The following UNC5D variants were observed in gnomAD, a reference collection of about 807,000 sequenced individuals.
The protein encoded by UNC5D is unc-5 netrin receptor D.
A neutral mutation model predicts 105.4 loss-of-function variants in UNC5D; 39 were observed. The ratio of observed to expected loss-of-function variants is 0.37; its 90% CI spans 0.29 to 0.48. The LOEUF (loss-of-function observed/expected upper bound fraction) is 0.48. Among genes scored for constraint, UNC5D ranks in the 20% least tolerant of loss-of-function variants. The pLI, the probability that UNC5D is intolerant of heterozygous loss-of-function variation, is 0.98. For missense variants in UNC5D, 991 were observed against 1,202.4 expected (o/e 0.82, Z 2.60); for synonymous variants, 452 against 450.4 (o/e 1.00, Z -0.04).
At chr8:35,376,761 G>A (rs1200884591) in intron 1 of UNC5D, among the ~76,000 whole-genome samples, 1 of 152,098 alleles carries the variant, frequency 6.6e-6, no homozygotes, top group African/African-American at 2.4e-5. Context: ...GCAACATGCA[G>A]TTGCTGTCCA....
chr8:35,398,534 A>G (rs1339782991), intron 1 of UNC5D, among the ~76,000 whole-genome samples: 1 of 152,134 alleles, frequency 6.6e-6, no homozygotes, highest in African/African-American at 2.4e-5. Flanking sequence ...AGACATTAAA[A>G]AAAAAAAAGT....
At position 35,750,767 on chromosome 8, in the gene UNC5D, C is replaced by T. The variant is rs775837539; in HGVS notation, c.2121C>T (p.Asn707=). Residue 707 remains asparagine, a synonymous_variant, in exon 13 of 17, where the codon AAC becomes AAT. Coordinates refer to ENST00000404895, the MANE Select transcript of UNC5D (RefSeq NM_080872.4). ...GCMSCNSLDY[N]LRVYCVDNTP... ...TGTCCTGTAACTCCCTGGATTACAA[C>T]TTGAGAGTTTACTGTGTGGACAATA... 1 of 1,614,142 alleles carries T rather than the reference C, an allele frequency of 6.2e-7. No homozygotes were observed. Among genetic ancestry groups the T allele is most frequent in the East Asian group, 2.2e-5 (1 of 44,850 alleles).
At chr8:35,403,535 T>C (rs976351300) in intron 1 of UNC5D, among the ~76,000 whole-genome samples, 1 of 152,226 alleles carries the variant, frequency 6.6e-6, no homozygotes, top group Non-Finnish European at 1.5e-5. Context: ...AGAAGTATTT[T>C]GGATTTCTTT....
intron 1 of UNC5D, among the ~76,000 whole-genome samples, chr8:35,395,411 G>A (rs1411047458): frequency 1.3e-5 from 2 of 152,182 alleles, no homozygotes; most frequent in Admixed American, 1.3e-4. Context: ...AACACCATTT[G>A]AGCAACATTT....
chr8:35,457,829 A>G (rs1410264168), intron 1 of UNC5D, among the ~76,000 whole-genome samples: 1 of 152,154 alleles, frequency 6.6e-6, no homozygotes, highest in East Asian at 1.9e-4. Flanking sequence ...GGTTATCCCA[A>G]TGTCCACACA....
At chr8:35,547,305 T>A (rs75754241) in intron 1 of UNC5D, among the ~76,000 whole-genome samples, 13 of 147,082 alleles carry the variant, frequency 8.8e-5, no homozygotes, top group Non-Finnish European at 1.5e-4. Flanking sequence ...TTTTTTTTTT[T>A]AATTGAGACA....
At chr8:35,396,342 G>A (rs777275562) in intron 1 of UNC5D, among the ~76,000 whole-genome samples, 36 of 152,156 alleles carry the variant, frequency 2.4e-4, no homozygotes, top group African/African-American at 5.5e-4. Context: ...GGGCTGAGTC[G>A]GGGAAAGCAG....
intron 1 of UNC5D, among the ~76,000 whole-genome samples, chr8:35,257,626 T>C (rs1166499360): frequency 1.3e-5 from 2 of 152,228 alleles, no homozygotes; most frequent in Non-Finnish European, 2.9e-5. Context: ...TAATAGTTGG[T>C]GGTATGAATT....
chr8:35,731,379 C>CAACAGTG (rs1829182476), intron 11 of UNC5D, among the ~76,000 whole-genome samples: 1 of 107,482 alleles, frequency 9.3e-6, no homozygotes, highest in Non-Finnish European at 1.7e-5. Flanking sequence ...TCAGTCTGGG[C>CAACAGTG]AACAGTGAGA....
chr8:35,311,513 G>T (rs2950897), intron 1 of UNC5D, among the ~76,000 whole-genome samples: 54,853 of 151,914 alleles, frequency 0.36, 10,922 homozygotes, highest in Middle Eastern at 0.45. Flanking sequence ...TAGGTCTTTT[G>T]TGAGGGCTAA....
chr8:35,710,952 T>TGTTTTGTTTTGTTTTGTTTTG (rs1827905759), intron 8 of UNC5D, among the ~76,000 whole-genome samples: 2,056 of 134,296 alleles, frequency 0.015, 109 homozygotes, highest in Admixed American at 0.044. Flanking sequence ...TTTTTTTTTT[T>TGTTTTGTTTTGTTTTGTTTTG]TTTTGAGACG....
chr8:35,463,941 T>C (rs1250807057), intron 1 of UNC5D, among the ~76,000 whole-genome samples: 1 of 152,158 alleles, frequency 6.6e-6, no homozygotes, highest in African/African-American at 2.4e-5. Context: ...CGGTAGAAAA[T>C]GTGCAATAAA....
intron 7 of UNC5D, among the ~76,000 whole-genome samples, chr8:35,701,451 CTCTAG>C (rs1325860594): frequency 2.6e-5 from 4 of 152,100 alleles, no homozygotes; most frequent in Non-Finnish European, 5.9e-5. Flanking sequence ...CACGTTTGTT[CTCTAG>C]TAGAGGCTGG....
Position 35,737,154 on chromosome 8 carries a change from C to G in UNC5D, c.1766+6058C>G, listed in dbSNP as rs537894738. Among the ~76,000 whole-genome samples the G allele has an allele frequency of 9.5e-4, 144 of 152,154 alleles. 3 individuals carry two copies. The South Asian group carries it at 0.028, about 30-fold the overall frequency. On this transcript the variant is annotated intron_variant, in intron 11 of 16. Coordinates refer to ENST00000404895, the MANE Select transcript of UNC5D (RefSeq NM_080872.4). ...ACTCTACTTTTGAGTGCCCTCGTCT[C>G]TAGATTTTAATGTTTCTAAATCCAT... is the stretch of plus-strand genomic sequence containing the variant.
intron 11 of UNC5D, among the ~76,000 whole-genome samples, chr8:35,745,997 A>T (rs746834190): frequency 6.6e-6 from 1 of 151,104 alleles, no homozygotes; most frequent in African/African-American, 2.4e-5. Flanking sequence ...TTTTGTCCAC[A>T]TCCAATTAAA....
intron 9 of UNC5D, among the ~76,000 whole-genome samples, chr8:35,725,844 T>C (rs1318739000): frequency 2.0e-5 from 3 of 152,204 alleles, no homozygotes; most frequent in Non-Finnish European, 4.4e-5. Context: ...ACATAAACAA[T>C]AATACCTGAG....
intron 1 of UNC5D, among the ~76,000 whole-genome samples, chr8:35,317,551 G>C (rs1450623436): frequency 1.2e-4 from 19 of 152,082 alleles, no homozygotes; most frequent in Admixed American, 1.2e-3. Flanking sequence ...ACTTGAAAGA[G>C]ACTAACAGAA....
intron 6 of UNC5D, among the ~76,000 whole-genome samples, chr8:35,686,027 T>C (rs1188099266): frequency 2.0e-5 from 3 of 152,212 alleles, no homozygotes; most frequent in African/African-American, 7.2e-5. Flanking sequence ...ATTCTATTTA[T>C]ATAAGTCCTG....
At chr8:35,328,838 C>T (rs1810380357) in intron 1 of UNC5D, among the ~76,000 whole-genome samples, 1 of 152,160 alleles carries the variant, frequency 6.6e-6, no homozygotes, top group African/African-American at 2.4e-5. Context: ...CTGTTTCTTT[C>T]ATGATGCGTT....
Sources: allele counts gnomAD v4.1 joint callset (sites outside exome capture counted in the v4.1 genomes callset), GRCh38; gene constraint gnomAD v4.1.1; transcripts MANE v1.5; gene names NCBI Gene and HGNC (gene_info 2026-07-23, HGNC 2026-07-21).